AGBL4: variants seen among roughly 807,000 people sequenced by gnomAD.
AGBL4 encodes AGBL carboxypeptidase 4.
AGBL4 carries 58 observed loss-of-function variants against 66.4 expected under a neutral mutation model. The observed-to-expected ratio is 0.87, with a 90% confidence interval of 0.71 to 1.09. The LOEUF is 1.09. Ranked by LOEUF, AGBL4 falls within the 50% of genes least tolerant of loss-of-function variation. AGBL4 has a pLI of 0.00. For synonymous variants in AGBL4, 234 were observed against 222.9 expected, an observed-to-expected ratio of 1.05 and a Z score of -0.44; for missense variants, 579 against 631.0, an observed-to-expected ratio of 0.92 and a Z score of 0.88.
At chr1:48,719,531 T>C (rs1423817914) in intron 6 of AGBL4, among the ~76,000 whole-genome samples, 3 of 152,188 alleles carry the variant, frequency 2.0e-5, no homozygotes, top group Non-Finnish European at 4.4e-5. Context: ...GTGTCCATGG[T>C]CTTCAGAGTC....
chr1:49,960,564 T>C (rs1445177178), intron 1 of AGBL4, among the ~76,000 whole-genome samples: 1 of 152,078 alleles, frequency 6.6e-6, no homozygotes, highest in Non-Finnish European at 1.5e-5. Flanking sequence ...AGGAAGATAT[T>C]GTATGTTCCC....
intron 5 of AGBL4, among the ~76,000 whole-genome samples, chr1:48,895,895 C>A (rs72893753): frequency 0.012 from 1,774 of 152,288 alleles, 32 homozygotes; most frequent in African/African-American, 0.04. Context: ...TTGAAGAATG[C>A]TATGAAAGAA....
intron 9 of AGBL4, 151 bp downstream of exon 9, chr1:48,634,342 G>T: frequency 1.8e-6 from 1 of 560,678 alleles, no homozygotes; most frequent in Non-Finnish European, 3.2e-6. Context: ...CCTTGGGTCT[G>T]CTGGATTCAG....
chr1:48,616,528 T>C (rs146310585), intron 9 of AGBL4, among the ~76,000 whole-genome samples: 37 of 152,312 alleles, frequency 2.4e-4, no homozygotes, highest in African/African-American at 8.9e-4. Flanking sequence ...TGGAGTCAAC[T>C]CTATGTATAA....
chr1:49,094,012 G>A (rs1347943373), intron 4 of AGBL4, among the ~76,000 whole-genome samples: 3 of 152,118 alleles, frequency 2.0e-5, no homozygotes, highest in Admixed American at 6.6e-5. Flanking sequence ...TATAGCTGTG[G>A]ATACAGAAAG....
intron 3 of AGBL4, among the ~76,000 whole-genome samples, chr1:49,676,874 C>T (rs1297286523): frequency 6.6e-6 from 1 of 152,042 alleles, no homozygotes; most frequent in African/African-American, 2.4e-5. Flanking sequence ...CATTATGTAA[C>T]ATTGCTTCTT....
intron 4 of AGBL4, among the ~76,000 whole-genome samples, chr1:49,173,547 G>A (rs1422560330): frequency 2.6e-5 from 4 of 152,188 alleles, no homozygotes; most frequent in African/African-American, 9.7e-5. Flanking sequence ...GGAATACAGA[G>A]TGATCCATAC....
At chr1:49,636,450 C>T (rs527954254) in intron 3 of AGBL4, among the ~76,000 whole-genome samples, 19 of 152,284 alleles carry the variant, frequency 1.2e-4, no homozygotes, top group South Asian at 1.2e-3. Flanking sequence ...AATATCCTCA[C>T]TTTAGGGATT....
At chr1:49,679,933 G>T (rs1474634099) in intron 3 of AGBL4, among the ~76,000 whole-genome samples, 1 of 150,818 alleles carries the variant, frequency 6.6e-6, no homozygotes, top group Non-Finnish European at 1.5e-5. Flanking sequence ...ATTAGATGCT[G>T]TTCTACTTGT....
chr1:48,617,824 C>T (rs942813048), intron 9 of AGBL4, among the ~76,000 whole-genome samples: 1 of 152,180 alleles, frequency 6.6e-6, no homozygotes, highest in Non-Finnish European at 1.5e-5. Flanking sequence ...TTCATTCCCT[C>T]AGAGACATCT....
In AGBL4 at chr1:49,514,068, T is replaced by G. The variant is rs534166994; in HGVS notation, c.282+183245A>C. On this transcript the variant is annotated intron_variant, in intron 3 of 13. Coordinates refer to ENST00000371839, the MANE Select transcript of AGBL4 (RefSeq NM_032785.4). Reference sequence around the variant, plus strand: ...TGCTTGTGATTTTTGTACATTGATTTTGTATCCTGAGACTTTGCTGAAGTT... The same window carrying G: ...TGCTTGTGATTTTTGTACATTGATTGTGTATCCTGAGACTTTGCTGAAGTT... Among the ~76,000 whole-genome samples the G allele has an allele frequency of 1.6e-4, 24 of 152,130 alleles. No homozygotes were observed. The South Asian group carries it at 4.4e-3, about 28-fold the overall frequency.
intron 4 of AGBL4, among the ~76,000 whole-genome samples, chr1:49,057,517 T>C (rs1246251783): frequency 6.6e-6 from 1 of 152,208 alleles, no homozygotes; most frequent in Non-Finnish European, 1.5e-5. Flanking sequence ...CCAAACTCTT[T>C]AACATGACTT....
At chr1:49,771,693 T>C (rs1203636295) in intron 2 of AGBL4, among the ~76,000 whole-genome samples, 1 of 152,128 alleles carries the variant, frequency 6.6e-6, no homozygotes. Context: ...AGTGCATATA[T>C]ATTTACAATT....
intron 4 of AGBL4, among the ~76,000 whole-genome samples, chr1:49,148,595 G>A (rs556545765): frequency 6.6e-6 from 1 of 152,260 alleles, no homozygotes; most frequent in East Asian, 1.9e-4. Flanking sequence ...TACCTGGGCT[G>A]GCTGTGCAGT....
chr1:49,825,680 T>C (rs1557484603), intron 2 of AGBL4, among the ~76,000 whole-genome samples: 1 of 152,188 alleles, frequency 6.6e-6, no homozygotes, highest in East Asian at 1.9e-4. Flanking sequence ...AAGACTTGAA[T>C]AGAACAAAAG....
intron 2 of AGBL4, among the ~76,000 whole-genome samples, chr1:49,839,146 G>A (rs1473377740): frequency 6.6e-6 from 1 of 152,100 alleles, no homozygotes; most frequent in African/African-American, 2.4e-5. Flanking sequence ...TAAGAAAGCA[G>A]AGAAAATAGG....
chr1:49,383,876 G>A (rs907225089), intron 3 of AGBL4, among the ~76,000 whole-genome samples: 4 of 151,586 alleles, frequency 2.6e-5, no homozygotes, highest in African/African-American at 7.3e-5. Flanking sequence ...GGCTCATTGC[G>A]ACCGCCGCCT....
chr1:49,165,960 A>G (rs564182773), intron 4 of AGBL4, among the ~76,000 whole-genome samples: 2 of 152,200 alleles, frequency 1.3e-5, no homozygotes, highest in African/African-American at 4.8e-5. Context: ...GCTTCTAGTA[A>G]TGAAAAATAA....
intron 3 of AGBL4, among the ~76,000 whole-genome samples, chr1:49,302,757 A>G (rs1351954987): frequency 6.6e-6 from 1 of 151,052 alleles, no homozygotes; most frequent in African/African-American, 2.4e-5. Flanking sequence ...GCATGTAACA[A>G]CCTGTCACCT....
Sources: allele counts gnomAD v4.1 joint callset (sites outside exome capture counted in the v4.1 genomes callset), GRCh38; gene constraint gnomAD v4.1.1; transcripts MANE v1.5; gene names NCBI Gene and HGNC (gene_info 2026-07-23, HGNC 2026-07-21).